Variants in IQCM observed in about 807,000 individuals in gnomAD.
The protein encoded by IQCM is IQ motif containing M.
A neutral mutation model predicts 57.6 loss-of-function variants in IQCM; 45 were observed. The ratio of observed to expected loss-of-function variants is 0.78; its 90% confidence interval spans 0.62 to 1.00. The LOEUF (loss-of-function observed/expected upper bound fraction) is 1.00, where lower values mean the gene tolerates loss of function less well. Ranked by LOEUF, IQCM falls within the 50% of genes least tolerant of loss-of-function variation. IQCM has a pLI of 0.00. For synonymous variants in IQCM, 148 were observed against 158.9 expected, an observed-to-expected ratio of 0.93 and a Z score of 0.51; for missense variants, 468 against 511.6, an observed-to-expected ratio of 0.91 and a Z score of 0.82.
chr4:149,393,687 A>G (rs909473445), intron 13 of IQCM, among the ~76,000 whole-genome samples: 1 of 152,018 alleles, frequency 6.6e-6, no homozygotes, highest in African/African-American at 2.4e-5. Flanking sequence ...TGATAGACCC[A>G]TATTAATATT....
rs1250530864 is a variant in IQCM, at chr4:149,728,620, A to G, written c.385+4624T>C. On this transcript the variant is annotated intron_variant, in intron 5 of 13. Coordinates refer to ENST00000636793, the MANE Select transcript of IQCM (RefSeq NM_001363507.2). ...GAGAACACATAACACTTTTATGGGA[A>G]TCACTTATGTGCATTTTATGTGCAT... Among the ~76,000 whole-genome samples the G allele has an allele frequency of 2.0e-5, 3 of 152,228 alleles. No individual in the cohort carries two copies. In the East Asian group the frequency reaches 5.8e-4, roughly 29 times the overall value.
intron 5 of IQCM, among the ~76,000 whole-genome samples, chr4:149,714,559 C>A (rs531672054): frequency 6.6e-6 from 1 of 152,248 alleles, no homozygotes; most frequent in African/African-American, 2.4e-5. Context: ...ACATTGAAGA[C>A]CCCTAGTGGA....
At chr4:149,586,158 G>A (rs924150109) in intron 9 of IQCM, among the ~76,000 whole-genome samples, 1 of 151,688 alleles carries the variant, frequency 6.6e-6, no homozygotes, top group Non-Finnish European at 1.5e-5. Flanking sequence ...AAGGACTTAT[G>A]CAAGAACACG....
chr4:149,417,483 T>C (rs981937282), intron 13 of IQCM, among the ~76,000 whole-genome samples: 1 of 152,156 alleles, frequency 6.6e-6, no homozygotes, highest in Non-Finnish European at 1.5e-5. Flanking sequence ...TAATCCTACC[T>C]GAACATATTT....
intron 5 of IQCM, among the ~76,000 whole-genome samples, chr4:149,698,108 T>C (rs1481913741): frequency 2.0e-5 from 3 of 151,942 alleles, no homozygotes; most frequent in Non-Finnish European, 2.9e-5. Flanking sequence ...CTTCATTATA[T>C]AGATTTTTTT....
chr4:149,717,463 A>G (rs1765098041), intron 5 of IQCM, among the ~76,000 whole-genome samples: 1 of 152,182 alleles, frequency 6.6e-6, no homozygotes, highest in South Asian at 2.1e-4. Flanking sequence ...TTTTCCCTTT[A>G]TAGCTGAGAA....
intron 8 of IQCM, among the ~76,000 whole-genome samples, chr4:149,605,754 G>A (rs1754716490): frequency 6.6e-6 from 1 of 152,132 alleles, no homozygotes; most frequent in East Asian, 1.9e-4. Flanking sequence ...GACACCAGCT[G>A]TAGTAGCCAA....
At chr4:149,698,526 GCAATTTAACTTCACCACGAAA>G (rs1763510041) in intron 5 of IQCM, among the ~76,000 whole-genome samples, 1 of 152,044 alleles carries the variant, frequency 6.6e-6, no homozygotes, top group Non-Finnish European at 1.5e-5. Flanking sequence ...TTTTGTCAGT[GCAATTTAACTTCACCACGAAA>G]CTTCAATGTG....
chr4:149,585,513 T>C (rs1470510792), intron 9 of IQCM, among the ~76,000 whole-genome samples: 7 of 151,718 alleles, frequency 4.6e-5, no homozygotes, highest in Non-Finnish European at 1.0e-4. Context: ...CTCACATATA[T>C]ACATATATAT....
At chr4:149,487,545 A>T (rs1397785164) in intron 12 of IQCM, among the ~76,000 whole-genome samples, 1 of 151,986 alleles carries the variant, frequency 6.6e-6, no homozygotes, top group East Asian at 1.9e-4. Flanking sequence ...TTTTAAGTTT[A>T]CCTAGGACCC....
At chr4:149,726,470 T>C (rs1438220596) in intron 5 of IQCM, among the ~76,000 whole-genome samples, 1 of 152,208 alleles carries the variant, frequency 6.6e-6, no homozygotes, top group Non-Finnish European at 1.5e-5. Flanking sequence ...CTGATTTGGC[T>C]CCTGTTCATT....
chr4:149,388,680 C>T (rs1731622564), intron 13 of IQCM, among the ~76,000 whole-genome samples: 1 of 141,056 alleles, frequency 7.1e-6, no homozygotes, highest in Admixed American at 7.2e-5. Flanking sequence ...TATATATAGG[C>T]AAAGAATGAG....
intron 12 of IQCM, among the ~76,000 whole-genome samples, chr4:149,481,696 G>GTTTTGTTTTTTTTTGTTGTT (rs1740801658): frequency 3.0e-5 from 1 of 33,602 alleles, no homozygotes. Flanking sequence ...GATTCTTCCA[G>GTTTTGTTTTTTTTTGTTGTT]TTTTGTTTTT....
At chr4:149,408,737 TTTTC>T (rs1264805151) in intron 13 of IQCM, among the ~76,000 whole-genome samples, 1 of 152,162 alleles carries the variant, frequency 6.6e-6, no homozygotes, top group Non-Finnish European at 1.5e-5. Context: ...CATTTGAGGC[TTTTC>T]TTTTTCTTTT....
At chr4:149,803,095 A>G (rs1773753178) in intron 2 of IQCM, among the ~76,000 whole-genome samples, 2 of 151,956 alleles carry the variant, frequency 1.3e-5, no homozygotes, top group Admixed American at 6.6e-5. Flanking sequence ...TAAACAATGG[A>G]ACTGAGGTTT....
intron 12 of IQCM, among the ~76,000 whole-genome samples, chr4:149,436,235 C>A (rs1276793949): frequency 1.3e-5 from 2 of 152,062 alleles, no homozygotes; most frequent in Non-Finnish European, 1.5e-5. Flanking sequence ...CAAATCCTTA[C>A]CACTGTGTTA....
At chr4:149,651,802 C>A (rs767469213) in intron 7 of IQCM, among the ~76,000 whole-genome samples, 1 of 152,138 alleles carries the variant, frequency 6.6e-6, no homozygotes, top group Non-Finnish European at 1.5e-5. Context: ...CAGGAAACAA[C>A]AGATGCTGGT....
At chr4:149,476,819 A>G (rs968459848) in intron 12 of IQCM, among the ~76,000 whole-genome samples, 1 of 151,968 alleles carries the variant, frequency 6.6e-6, no homozygotes, top group African/African-American at 2.4e-5. Flanking sequence ...CATTCATCAG[A>G]AAAAAAACCT....
chr4:149,403,316 T>G (rs1732748532), intron 13 of IQCM, among the ~76,000 whole-genome samples: 1 of 151,972 alleles, frequency 6.6e-6, no homozygotes, highest in Admixed American at 6.6e-5. Context: ...AGCACTTACG[T>G]AGTTGGCAGA....
Sources: allele counts gnomAD v4.1 joint callset (sites outside exome capture counted in the v4.1 genomes callset), GRCh38; gene constraint gnomAD v4.1.1; transcripts MANE v1.5; gene names NCBI Gene and HGNC (gene_info 2026-07-23, HGNC 2026-07-21).